Variants in VTI1A observed in about 807,000 individuals in gnomAD.
The protein encoded by VTI1A is vesicle transport through interaction with t-SNAREs 1A, also known as vesicle transport through interaction with t-SNAREs homolog 1A.
A neutral mutation model predicts 34.9 loss-of-function variants in VTI1A; 22 were observed. The ratio of observed to expected loss-of-function variants is 0.63; its 90% confidence interval spans 0.45 to 0.90. The LOEUF is 0.90. VTI1A is among the 40% of genes least tolerant of loss of function. The probability of loss-of-function intolerance (pLI) is 0.00; values close to 1 mark genes in which losing one functional copy is unlikely to be tolerated. For synonymous variants in VTI1A, 87 were observed against 97.3 expected, an observed-to-expected ratio of 0.89 and a Z score of 0.62; for missense variants, 268 against 275.6, an observed-to-expected ratio of 0.97 and a Z score of 0.20.
intron 7 of VTI1A, among the ~76,000 whole-genome samples, chr10:112,695,473 T>C (rs542917863): frequency 6.6e-6 from 1 of 152,280 alleles, no homozygotes; most frequent in South Asian, 2.1e-4. Flanking sequence ...ATTATGTTCA[T>C]AAAAAGGGAA....
At chr10:112,848,531 C>A in the VTI1A span, among the ~76,000 whole-genome samples, 2 of 152,202 alleles carry the variant, frequency 1.3e-5, no homozygotes, top group African/African-American at 4.8e-5. Flanking sequence ...TGAGAAACAA[C>A]AGAAGTGATC....
At chr10:112,528,099 A>G (rs1850301697) in intron 4 of VTI1A, among the ~76,000 whole-genome samples, 2 of 152,166 alleles carry the variant, frequency 1.3e-5, no homozygotes, top group South Asian at 2.1e-4. Context: ...CAAGTAGTAT[A>G]AAAGTCTCTA....
intron 7 of VTI1A, among the ~76,000 whole-genome samples, chr10:112,748,323 A>G (rs922313006): frequency 6.6e-6 from 1 of 152,140 alleles, no homozygotes; most frequent in Admixed American, 6.5e-5. Context: ...GGCTTTGCCC[A>G]TTTTTCTCAG....
chr10:112,721,122 A>G (rs1471659599), intron 7 of VTI1A, among the ~76,000 whole-genome samples: 2 of 152,152 alleles, frequency 1.3e-5, no homozygotes, highest in Admixed American at 6.5e-5. Flanking sequence ...CACTTTTTCA[A>G]TGGCACCTAC....
At chr10:112,759,080 AGCCG>A (rs781657737) in intron 7 of VTI1A, among the ~76,000 whole-genome samples, 16 of 152,070 alleles carry the variant, frequency 1.1e-4, no homozygotes, top group Non-Finnish European at 2.1e-4. Context: ...TCCCTACCCC[AGCCG>A]GCTACCAGAG....
At position 112,448,019 on chromosome 10, in the gene VTI1A, G is replaced by C. The variant is rs192748670; in HGVS notation, c.94+552G>C. Among the ~76,000 whole-genome samples the C allele has an allele frequency of 2.0e-5, 3 of 152,022 alleles. 1 individual carries two copies. The highest frequency in any genetic ancestry group is 4.1e-4 in the South Asian group (2 of 4,834). On this transcript the variant is annotated intron_variant, in intron 1 of 7. Coordinates refer to ENST00000393077, the MANE Select transcript of VTI1A (RefSeq NM_145206.4). The stretch of plus-strand genomic sequence containing the variant: ...CATTGCACTCCAGCCTAGGCAACAA[G>C]AGTGAAACTCCGTCTCAAATAAATA...
intron 7 of VTI1A, among the ~76,000 whole-genome samples, chr10:112,690,706 T>A (rs897691581): frequency 6.6e-6 from 1 of 152,234 alleles, no homozygotes; most frequent in Non-Finnish European, 1.5e-5. Context: ...AAACACCTTA[T>A]TTATTAGCTG....
intron 7 of VTI1A, among the ~76,000 whole-genome samples, chr10:112,754,212 T>C (rs1284124043): frequency 6.6e-6 from 1 of 152,214 alleles, no homozygotes; most frequent in Non-Finnish European, 1.5e-5. Flanking sequence ...AAATCTCCTA[T>C]GTAAAATGTA....
chr10:112,477,032 C>A (rs1469546211), intron 3 of VTI1A, among the ~76,000 whole-genome samples: 1 of 152,176 alleles, frequency 6.6e-6, no homozygotes, highest in African/African-American at 2.4e-5. Flanking sequence ...CTATTTTAAG[C>A]TTTCTTATAC....
intron 5 of VTI1A, among the ~76,000 whole-genome samples, chr10:112,615,056 A>C (rs187234722): frequency 6.6e-6 from 1 of 152,272 alleles, no homozygotes; most frequent in East Asian, 1.9e-4. Flanking sequence ...TCATTGTTGA[A>C]ATTATTAGCT....
At chr10:112,649,062 G>A (rs369064917) in intron 5 of VTI1A, among the ~76,000 whole-genome samples, 1 of 152,072 alleles carries the variant, frequency 6.6e-6, no homozygotes, top group South Asian at 2.1e-4. Context: ...GTGATAAATG[G>A]GGAAGTTGAC....
chr10:112,818,515 A>C lies in VTI1A; in HGVS notation c.*3132A>C, dbSNP rs1853587588. ...TCATTTCAGTATTTCAAATCCGAGG[A>C]AAACAGCCTGCCTGCTGCTGTATTT... On this transcript the variant is annotated 3_prime_UTR_variant, in exon 8 of 8. Coordinates refer to ENST00000393077, the MANE Select transcript of VTI1A (RefSeq NM_145206.4). 4.4e-6 allele frequency: 1 copy of C among 227,426 alleles called. No homozygotes were observed. Among genetic ancestry groups the C allele is most frequent in the African/African-American group, 2.2e-5 (1 of 44,986 alleles). 14.1% of individuals were successfully genotyped at this position (227,426 alleles called of 1,614,324 possible). A position where few individuals can be genotyped will look rare whatever the true frequency, so the allele number is the denominator to read the frequency against.
chr10:112,756,152 G>A (rs1481861440), intron 7 of VTI1A, among the ~76,000 whole-genome samples: 1 of 152,146 alleles, frequency 6.6e-6, no homozygotes, highest in Non-Finnish European at 1.5e-5. Flanking sequence ...GGAGAAAGGG[G>A]TAAAAGTTAT....
intron 3 of VTI1A, among the ~76,000 whole-genome samples, chr10:112,517,731 A>G (rs186792185): frequency 9.1e-4 from 138 of 152,210 alleles, no homozygotes; most frequent in African/African-American, 3.2e-3. Context: ...TGAGAAAAAT[A>G]TCAGGCAAAT....
intron 5 of VTI1A, among the ~76,000 whole-genome samples, chr10:112,667,665 G>A (rs1847692101): frequency 6.6e-6 from 1 of 152,134 alleles, no homozygotes; most frequent in Non-Finnish European, 1.5e-5. Flanking sequence ...TACAGCCACT[G>A]GTAACACGTT....
chr10:112,624,063 GAT>G (rs1320369207), intron 5 of VTI1A, among the ~76,000 whole-genome samples: 1 of 152,198 alleles, frequency 6.6e-6, no homozygotes, highest in Non-Finnish European at 1.5e-5. Flanking sequence ...TTCCGTCTAA[GAT>G]ATGAACTTAG....
rs376701733 is a variant in VTI1A at position 112,641,704 on chromosome 10, T to C, written c.428-26514T>C. Among the ~76,000 whole-genome samples the C allele has an allele frequency of 5.0e-4, 76 of 152,244 alleles. 1 individual carries two copies. Among genetic ancestry groups the C allele is most frequent in the African/African-American group, 1.6e-3 (66 of 41,480 alleles). Reference sequence around the variant, plus strand: ...CAAATGTTCCTTTCCCATTCCCTAATTATCCATTTTCAGTGAGAGCACGAG... The same window carrying C: ...CAAATGTTCCTTTCCCATTCCCTAACTATCCATTTTCAGTGAGAGCACGAG... On this transcript the variant is annotated intron_variant, in intron 5 of 7. Coordinates refer to ENST00000393077, the MANE Select transcript of VTI1A (RefSeq NM_145206.4).
chr10:112,455,165 CCCCTCCTCCCCTCCCCTCCTCCCCT>C, intron 1 of VTI1A, among the ~76,000 whole-genome samples: 1 of 2,196 alleles, frequency 4.6e-4, no homozygotes, highest in African/African-American at 1.7e-3. Flanking sequence ...CTTCCCTCCT[CCCCTCCTCCCCTCCCCTCCTCCCCT>C]CACCTCCCCC....
At chr10:112,590,498 G>C (rs1564839562) in intron 5 of VTI1A, among the ~76,000 whole-genome samples, 1 of 151,872 alleles carries the variant, frequency 6.6e-6, no homozygotes, top group South Asian at 2.1e-4. Flanking sequence ...TTCAAGATTA[G>C]CCTAGCCAAC....
Sources: allele counts gnomAD v4.1 joint callset (sites outside exome capture counted in the v4.1 genomes callset), GRCh38; gene constraint gnomAD v4.1.1; transcripts MANE v1.5; gene names NCBI Gene and HGNC (gene_info 2026-07-23, HGNC 2026-07-21).